The following NBPF26 variants were observed in gnomAD, a reference collection of about 807,000 sequenced individuals.
The protein encoded by NBPF26 is NBPF family member NBPF26.
In NBPF26, 79 loss-of-function variants were observed where a neutral mutation model predicts 119.6. That is an observed-to-expected ratio of 0.66 (90% CI 0.55 to 0.80). NBPF26 has a LOEUF of 0.80. Ranked by LOEUF, NBPF26 falls within the 30% of genes least tolerant of loss-of-function variation. NBPF26 has a pLI of 0.00. For synonymous variants in NBPF26, 299 were observed against 457.7 expected, an observed-to-expected ratio of 0.65 and a Z score of 4.43; for missense variants, 800 against 1,198.2, an observed-to-expected ratio of 0.67 and a Z score of 4.91.
downstream of NBPF26, chr1:120,840,653 G>T (rs1216831606): frequency 2.1e-6 from 3 of 1,444,958 alleles, no homozygotes; most frequent in South Asian, 1.2e-5. Flanking sequence ...GGCACGTGAA[G>T]ATTTGAATGA....
Position 120,812,194 on chromosome 1 carries a change from C to T in NBPF26, c.1774+99C>T, listed in dbSNP as rs1260857903. ...TCTCCATCAAAAATAATGTCATCCT[C>T]CCCGTACTTCTAGGAAAACAGAAAT... On this transcript the variant is annotated intron_variant, in intron 10 of 29. Coordinates refer to ENST00000620612, the Ensembl canonical transcript of NBPF26. 4.8e-5 allele frequency: 42 copies of T among 877,632 alleles called. 3 individuals are homozygous for T. The highest frequency in any genetic ancestry group is 2.2e-4 in the East Asian group (9 of 40,706). The allele number at this position is 877,632 out of a possible 1,614,324, so 54.4% of individuals were successfully genotyped here. A position where few individuals can be genotyped will look rare whatever the true frequency, so the allele number is the denominator to read the frequency against.
At chr1:120,825,284 C>G (rs1350502404) in intron 18 of NBPF26, among the ~76,000 whole-genome samples, 60 of 121,870 alleles carry the variant, frequency 4.9e-4, no homozygotes, top group African/African-American at 2.8e-3. Context: ...GGCCAATTCA[C>G]TGAGCTCACT....
chr1:120,822,060 G>T lies in NBPF26; in HGVS notation c.2424-44G>T, dbSNP rs1327407489. ...TGGGAGGTTTTGTTGTCTAAAGTCT[G>T]TTGGTTAAATCTTCTGTCATCCCTG... On this transcript the variant is annotated intron_variant, in intron 15 of 29. Coordinates refer to ENST00000620612, the Ensembl canonical transcript of NBPF26. The T allele has an allele frequency of 2.1e-6, 3 of 1,446,346 alleles. No homozygotes were observed. In the Admixed American group the frequency reaches 5.8e-5, roughly 28 times the overall value. The allele number at this position is 1,446,346 out of a possible 1,614,324, so 89.6% of individuals were successfully genotyped here. A position where few individuals can be genotyped will look rare whatever the true frequency, so the allele number is the denominator to read the frequency against.
In NBPF26 at chr1:120,811,484, G is replaced by A. The variant is rs1307155877; in HGVS notation, c.1565-402G>A. Among the ~76,000 whole-genome samples, 7 of 112,630 alleles carry A rather than the reference G, an allele frequency of 6.2e-5. 3 individuals are homozygous for A. The highest frequency in any genetic ancestry group is 1.0e-4 in the African/African-American group (2 of 19,402). 73.9% of individuals were successfully genotyped at this position (112,630 alleles called of 152,430 possible). A position where few individuals can be genotyped will look rare whatever the true frequency, so the allele number is the denominator to read the frequency against. On this transcript the variant is annotated intron_variant, in intron 9 of 29. Transcript: ENST00000620612. The stretch of plus-strand genomic sequence containing the variant: ...CACTTGAACCCGGGCGGCAGAGGTG[G>A]CAGTGAGCTGAGATTGTGCCTCTGC...
chr1:120,732,054 ACCTTATC>A (rs1281107241), intron 1 of NBPF26, among the ~76,000 whole-genome samples: 3 of 105,064 alleles, frequency 2.9e-5, no homozygotes, highest in African/African-American at 6.2e-5. Context: ...GGAGTTAGAT[ACCTTATC>A]CTAAATATGT....
chr1:120,801,610 G>A lies in NBPF26; in HGVS notation c.752-3946G>A, dbSNP rs1254114678. Among the ~76,000 whole-genome samples the A allele has an allele frequency of 8.3e-4, 80 of 96,950 alleles. 4 individuals carry two copies. The highest frequency in any genetic ancestry group is 3.3e-3 in the African/African-American group (49 of 15,000). 63.6% of individuals were successfully genotyped at this position (96,950 alleles called of 152,430 possible). On this transcript the variant is annotated intron_variant, in intron 4 of 29. Transcript: ENST00000620612. ...TTTTGGAGGCCTAGGTGGGAGGATC[G>A]CTTGAGGCCAGAAGTTCAAAACCAG...
In NBPF26 at chr1:120,784,941, G is replaced by A. The variant is rs1420490375; in HGVS notation, c.156-33G>A. The A allele has an allele frequency of 3.2e-6, 4 of 1,266,180 alleles. 1 individual carries two copies. The highest frequency in any genetic ancestry group is 2.2e-6 in the Non-Finnish European group (2 of 925,920). The allele number at this position is 1,266,180 out of a possible 1,614,324, so 78.4% of individuals were successfully genotyped here. A position where few individuals can be genotyped will look rare whatever the true frequency, so the allele number is the denominator to read the frequency against. The stretch of plus-strand genomic sequence containing the variant: ...ATTTTTTGGACTTACAAGAAGTCAG[G>A]TGTTTTCATGGACTCTTCTCTTTTC... On this transcript the variant is annotated intron_variant, in intron 2 of 29. Transcript: ENST00000620612.
At chr1:120,745,514 GAAAGGTAAGTAATTTTTCA>G (rs1650971649) in intron 1 of NBPF26, among the ~76,000 whole-genome samples, 1 of 78,632 alleles carries the variant, frequency 1.3e-5, no homozygotes, top group Admixed American at 1.3e-4. Context: ...GTAGGCCTTA[GAAAGGTAAGTAATTTTTCA>G]GCTGGGCATG....
chr1:120,759,646 G>T (rs1651112527), intron 1 of NBPF26, among the ~76,000 whole-genome samples: 1 of 103,408 alleles, frequency 9.7e-6, no homozygotes, highest in Non-Finnish European at 1.8e-5. Flanking sequence ...GATAATTATA[G>T]TATTCATTTT....
exon 4 of NBPF26, chr1:120,793,410 A>T (rs1651516189): frequency 6.9e-7 from 1 of 1,441,836 alleles, no homozygotes; most frequent in Non-Finnish European, 9.3e-7. Context: ...GACAGACTGT[A>T]TGTGCCCTGT....
At chr1:120,811,610 C>T (rs1651868635) in intron 9 of NBPF26, among the ~76,000 whole-genome samples, 1 of 112,994 alleles carries the variant, frequency 8.9e-6, no homozygotes, top group African/African-American at 5.1e-5. Flanking sequence ...GAAACATTGG[C>T]CACTCATGGG....
In NBPF26 at chr1:120,732,434, TG is replaced by T. The variant is rs1241723298; in HGVS notation, c.73+8185del. On this transcript the variant is annotated intron_variant, in intron 1 of 29. Coordinates refer to ENST00000620612, the Ensembl canonical transcript of NBPF26. ...GAATAATCACAAAACTAGATAGTGC[TG>T]ATATATCAACTTCTCTAAATGGTAA... Among the ~76,000 whole-genome samples the T allele has an allele frequency of 2.0e-5, 2 of 100,824 alleles. 1 individual carries two copies. Among genetic ancestry groups the T allele is most frequent in the Non-Finnish European group, 3.6e-5 (2 of 55,170 alleles). The allele number at this position is 100,824 out of a possible 152,430, so 66.1% of individuals were successfully genotyped here. A position where few individuals can be genotyped will look rare whatever the true frequency, so the allele number is the denominator to read the frequency against.
rs1270277791 is a variant in NBPF26 at position 120,752,603 on chromosome 1, C to T, written c.74-11025C>T. ...TTTTTTTTTTTCAGGCAGAGTCTTG[C>T]TCTGTCGCCCAGGCTGGAGTGCAGT... On this transcript the variant is annotated intron_variant, in intron 1 of 29. Transcript: ENST00000620612. 7.3e-5 allele frequency among the ~76,000 whole-genome samples: 2 copies of T among 27,518 alleles called. 1 individual carries two copies. The highest frequency in any genetic ancestry group is 1.0e-4 in the Non-Finnish European group (2 of 19,254). 18.1% of individuals were successfully genotyped at this position (27,518 alleles called of 152,430 possible).
chr1:120,728,726 A>T (rs1425688472), intron 1 of NBPF26, among the ~76,000 whole-genome samples: 1 of 114,152 alleles, frequency 8.8e-6, no homozygotes, highest in Admixed American at 8.4e-5. Context: ...TATTTTGATA[A>T]TTTTTTTGAG....
chr1:120,832,425 G>A (rs1321436303), intron 22 of NBPF26, among the ~76,000 whole-genome samples: 2 of 98,074 alleles, frequency 2.0e-5, no homozygotes, highest in Admixed American at 1.9e-4. Flanking sequence ...GGGCAGATGT[G>A]ACAAATTCAG....
intron 9 of NBPF26, among the ~76,000 whole-genome samples, chr1:120,811,031 G>A (rs1244886229): frequency 7.9e-5 from 8 of 100,682 alleles, no homozygotes; most frequent in Non-Finnish European, 1.5e-4. Flanking sequence ...ATGAGGTCAG[G>A]AGATTGAGAC....
rs1651405688 is a variant in NBPF26, at chr1:120,785,045, G to T, written c.227G>T (p.Gly76Val). Residue 76 changes from glycine to valine, a missense_variant, in exon 3 of 30, where the codon GGT becomes GTT. By Grantham distance (109) the Gly-to-Val change is moderately radical. Around this residue, in one of 13 missense-constraint regions of NBPF26, gnomAD observed 209 missense variants for 285.2 expected, o/e 0.73. Coordinates refer to ENST00000620612, the Ensembl canonical transcript of NBPF26. ...TGTGAGAAGAACCGCTGCCAGAATG[G>T]TGGGACTTGTGTGGCCCAGGCCATG... 33 of 1,445,086 alleles carry T rather than the reference G, an allele frequency of 2.3e-5. 6 individuals are homozygous for T. Among genetic ancestry groups the T allele is most frequent in the Non-Finnish European group, 2.9e-5 (31 of 1,081,564 alleles). The allele number at this position is 1,445,086 out of a possible 1,614,324, so 89.5% of individuals were successfully genotyped here. A position where few individuals can be genotyped will look rare whatever the true frequency, so the allele number is the denominator to read the frequency against.
chr1:120,785,013 A>G, exon 3 of NBPF26: 1 of 1,423,588 alleles, frequency 7.0e-7, no homozygotes, highest in Non-Finnish European at 9.4e-7. Context: ...GTCAACATCG[A>G]GACCCCTGTG....
At chr1:120,822,149 G>C in exon 16 of NBPF26, 1 of 1,315,572 alleles carries the variant, frequency 7.6e-7, no homozygotes, top group Non-Finnish European at 1.0e-6. Context: ...AGGAGTCCTG[G>C]GATGAAGGTT....
Sources: allele counts gnomAD v4.1 joint callset (sites outside exome capture counted in the v4.1 genomes callset), GRCh38; gene constraint gnomAD v4.1.1; regional missense constraint gnomAD v4.1.1; transcripts MANE v1.5; gene names NCBI Gene and HGNC (gene_info 2026-07-23, HGNC 2026-07-21).